The following H2BN1 variants were observed in gnomAD, a reference collection of about 807,000 sequenced individuals.
The protein encoded by H2BN1 is H2B.N variant histone 1.
At chr17:32,895,562 A>T in the H2BN1 span, among the ~76,000 whole-genome samples, 2 of 152,176 alleles carry the variant, frequency 1.3e-5, no homozygotes, top group Non-Finnish European at 2.9e-5. Context: ...AAAGAAGAGG[A>T]GGAAGGAAGC....
the H2BN1 span, among the ~76,000 whole-genome samples, chr17:32,906,023 G>A: frequency 6.6e-6 from 1 of 152,092 alleles, no homozygotes. Flanking sequence ...CCCTTTAGGT[G>A]GTTTATTATT....
the H2BN1 span, among the ~76,000 whole-genome samples, chr17:32,900,863 G>A: frequency 6.6e-6 from 1 of 151,986 alleles, no homozygotes; most frequent in Admixed American, 6.6e-5. Flanking sequence ...TTACAGGTGT[G>A]AGCCACTGCA....
the H2BN1 span, among the ~76,000 whole-genome samples, chr17:32,900,200 C>T: frequency 1.8e-4 from 27 of 152,092 alleles, no homozygotes; most frequent in Non-Finnish European, 3.7e-4. Context: ...GGAACACATA[C>T]CAATAACATA....
the H2BN1 span, among the ~76,000 whole-genome samples, chr17:32,902,435 C>T: frequency 6.6e-6 from 1 of 152,134 alleles, no homozygotes; most frequent in Non-Finnish European, 1.5e-5. Flanking sequence ...CCCAAACAAA[C>T]CTTACTGCCT....
the H2BN1 span, among the ~76,000 whole-genome samples, chr17:32,898,220 G>A: frequency 6.6e-6 from 1 of 152,154 alleles, no homozygotes; most frequent in African/African-American, 2.4e-5. Flanking sequence ...AGGTGTTAGG[G>A]GCACAGTGTG....
the H2BN1 span, among the ~76,000 whole-genome samples, chr17:32,898,053 G>A: frequency 6.6e-6 from 1 of 152,218 alleles, no homozygotes; most frequent in East Asian, 1.9e-4. Context: ...CCAAATTCCC[G>A]TCCCTCTCTT....
chr17:32,905,047 C>CAGTT, the H2BN1 span, among the ~76,000 whole-genome samples: 1 of 152,104 alleles, frequency 6.6e-6, no homozygotes, highest in Non-Finnish European at 1.5e-5. Flanking sequence ...AACTCCAATT[C>CAGTT]AGTTATTTAC....
chr17:32,897,925 A>G, the H2BN1 span, among the ~76,000 whole-genome samples: 1 of 152,264 alleles, frequency 6.6e-6, no homozygotes, highest in Non-Finnish European at 1.5e-5. Flanking sequence ...AGTGTTTTCC[A>G]TCTTCAGATG....
the H2BN1 span, among the ~76,000 whole-genome samples, chr17:32,898,503 T>C: frequency 1.2e-4 from 18 of 152,224 alleles, no homozygotes. Flanking sequence ...AGTTCTCAGT[T>C]TGGCTTTTCC....
chr17:32,899,054 G>A, the H2BN1 span, among the ~76,000 whole-genome samples: 1 of 152,078 alleles, frequency 6.6e-6, no homozygotes, highest in African/African-American at 2.4e-5. Flanking sequence ...AATAAAAATC[G>A]AACAACATTA....
the H2BN1 span, among the ~76,000 whole-genome samples, chr17:32,896,109 T>A: frequency 6.6e-6 from 1 of 151,982 alleles, no homozygotes; most frequent in Non-Finnish European, 1.5e-5. Context: ...TTAGATAGGG[T>A]CTCACTACGT....
chr17:32,902,191 A>G, the H2BN1 span, among the ~76,000 whole-genome samples: 18 of 151,668 alleles, frequency 1.2e-4, no homozygotes, highest in African/African-American at 1.9e-4. Flanking sequence ...CTTGTTTTAT[A>G]CATAACCTTT....
chr17:32,900,484 A>G, the H2BN1 span, among the ~76,000 whole-genome samples: 8 of 152,354 alleles, frequency 5.3e-5, no homozygotes, highest in African/African-American at 1.7e-4. Flanking sequence ...CCAAAGTGAT[A>G]ACTCAAGGAT....
the H2BN1 span, among the ~76,000 whole-genome samples, chr17:32,897,680 T>G: frequency 4.4e-4 from 67 of 152,054 alleles, no homozygotes; most frequent in Non-Finnish European, 1.0e-4. Context: ...CCTTACAGGA[T>G]GGATAGGATC....
the H2BN1 span, among the ~76,000 whole-genome samples, chr17:32,896,356 G>A: frequency 6.6e-6 from 1 of 152,128 alleles, no homozygotes; most frequent in Non-Finnish European, 1.5e-5. Flanking sequence ...AGGAGGGGTA[G>A]GCACCCTGGT....
chr17:32,897,953 C>T, the H2BN1 span, among the ~76,000 whole-genome samples: 2 of 152,170 alleles, frequency 1.3e-5, no homozygotes, highest in Non-Finnish European at 2.9e-5. Context: ...ACGTTAACTC[C>T]ACTTCTGTTA....
the H2BN1 span, among the ~76,000 whole-genome samples, chr17:32,895,795 C>T: frequency 2.0e-5 from 3 of 152,206 alleles, no homozygotes; most frequent in Non-Finnish European, 4.4e-5. Context: ...TCTCTCGCTT[C>T]GTTTTCTTTC....
At chr17:32,899,018 A>T in the H2BN1 span, among the ~76,000 whole-genome samples, 50,495 of 152,068 alleles carry the variant, frequency 0.33, 8,608 homozygotes, top group Admixed American at 0.41. Flanking sequence ...AAGAAAAATT[A>T]GAATTTGGTC....
chr17:32,901,088 A>G, the H2BN1 span, among the ~76,000 whole-genome samples: 1 of 151,936 alleles, frequency 6.6e-6, no homozygotes, highest in African/African-American at 2.4e-5. Flanking sequence ...TGTGCCTATA[A>G]TCTCAGTTAC....
Sources: allele counts gnomAD v4.1 joint callset (sites outside exome capture counted in the v4.1 genomes callset), GRCh38; gene constraint gnomAD v4.1.1; transcripts MANE v1.5; gene names NCBI Gene and HGNC (gene_info 2026-07-23, HGNC 2026-07-21).